CCNY: variants seen among roughly 807,000 people sequenced by gnomAD.
CCNY encodes cyclin-Y.
Under a neutral mutation model 42.8 loss-of-function variants are expected in CCNY, and 19 were observed. That is an observed-to-expected ratio of 0.44 (90% CI 0.31 to 0.65). CCNY has a LOEUF of 0.65. Among genes scored for constraint, CCNY ranks in the 30% least tolerant of loss-of-function variants. CCNY has a pLI of 0.07. For synonymous variants in CCNY, 165 were observed against 162.7 expected (o/e 1.01, Z -0.11); for missense variants, 370 against 437.3 (o/e 0.85, Z 1.37).
intron 3 of CCNY, among the ~76,000 whole-genome samples, chr10:35,506,234 T>C (rs907806927): frequency 6.6e-6 from 1 of 152,206 alleles, no homozygotes; most frequent in East Asian, 1.9e-4. Flanking sequence ...AGCTTTTACT[T>C]TGAAATAATT....
At chr10:35,419,150 A>G (rs1838100398) in intron 1 of CCNY, among the ~76,000 whole-genome samples, 1 of 152,142 alleles carries the variant, frequency 6.6e-6, no homozygotes, top group Non-Finnish European at 1.5e-5. Flanking sequence ...GTCCTTATGA[A>G]TTAATGCATG....
chr10:35,338,043 C>T (rs1836089306), intron 1 of CCNY, among the ~76,000 whole-genome samples: 1 of 152,148 alleles, frequency 6.6e-6, no homozygotes, highest in African/African-American at 2.4e-5. Flanking sequence ...ATGCATCATG[C>T]TTAAAATATA....
At chr10:35,341,661 GA>G (rs111426338) in intron 1 of CCNY, among the ~76,000 whole-genome samples, 10,572 of 152,284 alleles carry the variant, frequency 0.069, 588 homozygotes, top group African/African-American at 0.16. Context: ...TTTATTGGGT[GA>G]GGGGAAACAG....
intron 1 of CCNY, among the ~76,000 whole-genome samples, chr10:35,368,563 C>G (rs927744103): frequency 2.6e-5 from 4 of 152,200 alleles, no homozygotes; most frequent in Admixed American, 6.5e-5. Context: ...AAAGCATTCC[C>G]AGGTTGGACT....
intron 3 of CCNY, among the ~76,000 whole-genome samples, chr10:35,311,992 A>T (rs947577593): frequency 2.5e-4 from 38 of 151,312 alleles, no homozygotes; most frequent in African/African-American, 6.1e-4. Flanking sequence ...TCTAAAAAAA[A>T]TTTTTTTGTT....
At chr10:35,312,386 A>C (rs868808432) in intron 3 of CCNY, among the ~76,000 whole-genome samples, 3,272 of 145,898 alleles carry the variant, frequency 0.022, 15 homozygotes, top group Middle Eastern at 0.035. Flanking sequence ...GTGTCACAAA[A>C]AAAAAAAAAA....
chr10:35,347,997 G>C, intron 1 of CCNY, among the ~76,000 whole-genome samples: 1 of 152,180 alleles, frequency 6.6e-6, no homozygotes, highest in East Asian at 1.9e-4. Flanking sequence ...ATTTATCAAG[G>C]ATTCCTTTCA....
intron 1 of CCNY, among the ~76,000 whole-genome samples, chr10:35,462,407 C>T (rs1476904462): frequency 6.6e-6 from 1 of 152,210 alleles, no homozygotes; most frequent in Non-Finnish European, 1.5e-5. Flanking sequence ...TGCATCTTCA[C>T]CCTCATCTCA....
At chr10:35,331,431 T>G (rs1057086494) in intron 3 of CCNY, among the ~76,000 whole-genome samples, 12 of 152,198 alleles carry the variant, frequency 7.9e-5, no homozygotes, top group African/African-American at 2.9e-4. Flanking sequence ...ATGGTGAACT[T>G]GCAGTGGTGA....
intron 3 of CCNY, among the ~76,000 whole-genome samples, chr10:35,307,812 A>AT (rs1835630149): frequency 1.5e-5 from 1 of 64,884 alleles, no homozygotes; most frequent in African/African-American, 4.7e-5. Flanking sequence ...ATATATATAT[A>AT]TATATATTTT....
intron 3 of CCNY, chr10:35,314,580 AAAT>A (rs1835730751): frequency 6.6e-6 from 1 of 152,160 alleles, no homozygotes; most frequent in Admixed American, 6.6e-5. Flanking sequence ...TATTGTGGTA[AAAT>A]AATATGAAAT....
At chr10:35,410,707 C>G (rs1000694790) in intron 1 of CCNY, among the ~76,000 whole-genome samples, 11 of 152,156 alleles carry the variant, frequency 7.2e-5, no homozygotes, top group Admixed American at 7.2e-4. Flanking sequence ...TGCAAGCATA[C>G]CAGCTTCAGT....
intron 2 of CCNY, among the ~76,000 whole-genome samples, chr10:35,493,299 C>T (rs1013423579): frequency 1.3e-5 from 2 of 152,166 alleles, no homozygotes; most frequent in South Asian, 2.1e-4. Flanking sequence ...GATAATTCCC[C>T]CAGGCTGGGG....
At chr10:35,355,992 AGGGTTTT>A (rs1285069501) in intron 1 of CCNY, among the ~76,000 whole-genome samples, 2 of 151,992 alleles carry the variant, frequency 1.3e-5, no homozygotes, top group Non-Finnish European at 2.9e-5. Context: ...GTGTGTTGAT[AGGGTTTT>A]GCTTTTGGCT....
chr10:35,569,033 A>G (rs193199714), intron 9 of CCNY, 21 bp from the exon 10 acceptor site: 42 of 1,519,926 alleles, frequency 2.8e-5, no homozygotes, highest in Middle Eastern at 1.7e-4. Flanking sequence ...CCTGACCCAC[A>G]CTGTCTTTCT....
chr10:35,325,562 C>A (rs1258657292), intron 3 of CCNY, among the ~76,000 whole-genome samples: 1 of 151,290 alleles, frequency 6.6e-6, no homozygotes, highest in Non-Finnish European at 1.5e-5. Context: ...TCACTGCAGC[C>A]TCTGCCTACA....
chr10:35,422,810 C>T (rs556261692), intron 1 of CCNY, among the ~76,000 whole-genome samples: 1 of 152,090 alleles, frequency 6.6e-6, no homozygotes, highest in Non-Finnish European at 1.5e-5. Flanking sequence ...GTCTGTTTAT[C>T]CTTCATGATT....
chr10:35,517,584 A>G (rs1462386048), intron 4 of CCNY, among the ~76,000 whole-genome samples: 4 of 152,226 alleles, frequency 2.6e-5, no homozygotes, highest in Non-Finnish European at 5.9e-5. Context: ...TGAGGACTAT[A>G]GCCATCTGTA....
chr10:35,357,213 C>T (rs1272203516), intron 1 of CCNY, among the ~76,000 whole-genome samples: 1 of 150,678 alleles, frequency 6.6e-6, no homozygotes, highest in South Asian at 2.1e-4. Context: ...CCAGCCCCAG[C>T]CCCATCACGC....
Sources: gnomAD v4.1 joint callset for allele counts (sites outside exome capture counted in the v4.1 genomes callset) on GRCh38, gnomAD v4.1.1 for gene constraint, MANE v1.5 for transcripts, NCBI Gene and HGNC (gene_info 2026-07-23, HGNC 2026-07-21) for gene names.